The following C8orf34 variants were observed in gnomAD, a reference collection of about 807,000 sequenced individuals.
C8orf34 encodes uncharacterized protein C8orf34.
C8orf34 carries 65 observed loss-of-function variants against 68.3 expected under a neutral mutation model. The ratio of observed to expected loss-of-function variants is 0.95; its 90% CI spans 0.78 to 1.17. C8orf34 has a LOEUF of 1.17. Ranked by LOEUF, C8orf34 falls within the 50% of genes most tolerant of loss-of-function variation. C8orf34 has a pLI of 0.00. For missense variants in C8orf34, 664 were observed against 655.4 expected (o/e 1.01, Z -0.14); for synonymous variants, 244 against 241.2 (o/e 1.01, Z -0.11).
chr8:68,460,649 C>T lies in C8orf34; in HGVS notation c.608-8043C>T, dbSNP rs951152572. On this transcript the variant is annotated intron_variant, in intron 3 of 13. Coordinates refer to ENST00000518698, the MANE Select transcript of C8orf34 (RefSeq NM_052958.4). ...TTGCAGTTCATGAAAATCCGCTGTT[C>T]TACAGCCACGACTGCTGATACCCAG... Among the ~76,000 whole-genome samples, 4 of 152,314 alleles carry T rather than the reference C, an allele frequency of 2.6e-5. No homozygotes were observed. The South Asian group carries it at 6.2e-4, about 24-fold the overall frequency.
At chr8:68,815,091 G>T (rs1359871271) in intron 12 of C8orf34, among the ~76,000 whole-genome samples, 2 of 152,056 alleles carry the variant, frequency 1.3e-5, no homozygotes, top group African/African-American at 4.8e-5. Flanking sequence ...GGAAAATTTG[G>T]ACTTAATCTA....
intron 2 of C8orf34, among the ~76,000 whole-genome samples, chr8:68,442,625 T>C (rs1033855982): frequency 6.6e-6 from 1 of 152,076 alleles, no homozygotes; most frequent in Non-Finnish European, 1.5e-5. Context: ...ATATGAGCAA[T>C]ATAGAAGGAT....
intron 8 of C8orf34, among the ~76,000 whole-genome samples, chr8:68,670,471 G>C (rs1166796043): frequency 6.6e-6 from 1 of 152,048 alleles, no homozygotes; most frequent in East Asian, 1.9e-4. Flanking sequence ...ATTCTTTTGA[G>C]GGCAACTTTG....
At chr8:68,690,310 A>C (rs11993687) in intron 8 of C8orf34, among the ~76,000 whole-genome samples, 16,289 of 152,034 alleles carry the variant, frequency 0.11, 1,597 homozygotes, top group African/African-American at 0.26. Flanking sequence ...TCAGCTGGAC[A>C]TCAGAATTAA....
At chr8:68,515,871 C>A (rs1250335210) in intron 5 of C8orf34, among the ~76,000 whole-genome samples, 1 of 152,214 alleles carries the variant, frequency 6.6e-6, no homozygotes, top group Non-Finnish European at 1.5e-5. Context: ...AATCAGTTCA[C>A]ACTAATTATT....
chr8:68,650,655 A>G (rs1490122971), intron 8 of C8orf34, among the ~76,000 whole-genome samples: 1 of 151,356 alleles, frequency 6.6e-6, no homozygotes, highest in Admixed American at 6.6e-5. Context: ...AATTTTTTGT[A>G]TTTTTAGTAG....
At chr8:68,347,313 C>T (rs1352156274) in intron 1 of C8orf34, among the ~76,000 whole-genome samples, 1 of 152,102 alleles carries the variant, frequency 6.6e-6, no homozygotes, top group Non-Finnish European at 1.5e-5. Flanking sequence ...CTTACGGCTG[C>T]ATAGCATTCC....
chr8:68,638,337 A>G (rs1018477772), intron 7 of C8orf34, among the ~76,000 whole-genome samples: 2 of 148,430 alleles, frequency 1.3e-5, no homozygotes, highest in Non-Finnish European at 3.0e-5. Context: ...TTTCAGAATT[A>G]GGGGCTAAAT....
chr8:68,782,632 C>T (rs1257703555), intron 11 of C8orf34, among the ~76,000 whole-genome samples: 1 of 152,154 alleles, frequency 6.6e-6, no homozygotes, highest in African/African-American at 2.4e-5. Context: ...TGCCTTCTGA[C>T]CCCTGGGGCA....
At chr8:68,679,476 A>C (rs1213714201) in intron 8 of C8orf34, among the ~76,000 whole-genome samples, 2 of 152,130 alleles carry the variant, frequency 1.3e-5, no homozygotes, top group Non-Finnish European at 2.9e-5. Flanking sequence ...GAAGAATCAA[A>C]TTGGCAAAAT....
At chr8:68,455,538 AT>A (rs1811509474) in intron 3 of C8orf34, among the ~76,000 whole-genome samples, 1 of 151,904 alleles carries the variant, frequency 6.6e-6, no homozygotes, top group Non-Finnish European at 1.5e-5. Context: ...ATTTTGTTTG[AT>A]ATTAGGGCAG....
At position 68,721,427 on chromosome 8, in the gene C8orf34, T is replaced by A. The variant is rs1250609122; in HGVS notation, c.1394T>A (p.Leu465Gln). Reference sequence around the variant, plus strand: ...GACGAATTTGAGAAAGCATCTAAACTAACAGGACCTGTAAGTATATTCATT... The same window carrying A: ...GACGAATTTGAGAAAGCATCTAAACAAACAGGACCTGTAAGTATATTCATT... ...EGDEFEKASK[L>Q]TGPGEASSGV... The change falls in exon 10 of 14, where the codon CTA becomes CAA. Residue 465 changes from leucine (L) to glutamine (Q), a missense_variant. Transcript: ENST00000518698. 6.2e-7 allele frequency: 1 copy of A among 1,603,972 alleles called. No homozygotes were observed. The highest frequency in any genetic ancestry group is 8.5e-7 in the Non-Finnish European group (1 of 1,172,224).
intron 1 of C8orf34, among the ~76,000 whole-genome samples, chr8:68,410,591 A>G (rs1238177412): frequency 6.6e-6 from 1 of 152,138 alleles, no homozygotes; most frequent in Admixed American, 6.6e-5. Flanking sequence ...ATAGCTGTAC[A>G]CAGGTAGAAA....
At chr8:68,516,366 T>G (rs1262706631) in intron 5 of C8orf34, among the ~76,000 whole-genome samples, 3 of 152,214 alleles carry the variant, frequency 2.0e-5, no homozygotes. Context: ...GAGTTTAAGA[T>G]ATGATCTCAG....
At chr8:68,683,143 A>AC (rs1362504191) in intron 8 of C8orf34, among the ~76,000 whole-genome samples, 1 of 151,740 alleles carries the variant, frequency 6.6e-6, no homozygotes, top group East Asian at 1.9e-4. Context: ...AGAAATCTGG[A>AC]CCCCCCAGAC....
chr8:68,640,330 C>G (rs750098505), intron 7 of C8orf34, 46 bp from the exon 8 acceptor site: 65 of 1,579,426 alleles, frequency 4.1e-5, no homozygotes, highest in Non-Finnish European at 5.5e-5. Context: ...CTCCTTAATT[C>G]CACTAGAGTT....
In C8orf34 at chr8:68,721,398, G is replaced by A. The variant is rs1821671512; in HGVS notation, c.1365G>A (p.Glu455=). 1 of 1,609,626 alleles carries A rather than the reference G, an allele frequency of 6.2e-7. No homozygotes were observed. The highest frequency in any genetic ancestry group is 1.3e-5 in the African/African-American group (1 of 74,914). The change falls in exon 10 of 14, where the codon GAG becomes GAA. Residue 455 remains glutamate, a synonymous_variant. Coordinates refer to ENST00000518698, the MANE Select transcript of C8orf34 (RefSeq NM_052958.4). ...GGACTGAAGAAGCACTAATGGAGGA[G>A]GGTGACGAATTTGAGAAAGCATCTA... ...LPGTEEALME[E]GDEFEKASKL...
At chr8:68,577,572 C>A (rs1370465563) in intron 7 of C8orf34, among the ~76,000 whole-genome samples, 1 of 151,746 alleles carries the variant, frequency 6.6e-6, no homozygotes, top group Non-Finnish European at 1.5e-5. Context: ...GAAAAATTGA[C>A]CCAAATGTAG....
intron 3 of C8orf34, among the ~76,000 whole-genome samples, chr8:68,465,250 G>T (rs996914883): frequency 5.5e-4 from 83 of 151,850 alleles, no homozygotes; most frequent in African/African-American, 1.9e-3. Context: ...ACTACAATGA[G>T]ATACCATCTC....
Sources: gnomAD v4.1 joint callset for allele counts (sites outside exome capture counted in the v4.1 genomes callset) on GRCh38, gnomAD v4.1.1 for gene constraint, MANE v1.5 for transcripts, NCBI Gene and HGNC (gene_info 2026-07-23, HGNC 2026-07-21) for gene names.